The following FHOD3 variants were observed in gnomAD, a reference collection of about 807,000 sequenced individuals.
FHOD3 encodes the protein FH1/FH2 domain-containing protein 3.
FHOD3 carries 90 observed loss-of-function variants against 173.0 expected under a neutral mutation model. The ratio of observed to expected loss-of-function variants is 0.52; its 90% CI spans 0.44 to 0.62. FHOD3 has a LOEUF of 0.62. Ranked by LOEUF, FHOD3 falls within the 20% of genes least tolerant of loss-of-function variation. FHOD3 has a pLI of 0.00. For synonymous variants in FHOD3, 828 were observed against 823.0 expected (o/e 1.01, Z -0.10); for missense variants, 1,945 against 2,034.7 (o/e 0.96, Z 0.85).
chr18:36,769,924 T>C (rs2043303170), intron 28 of FHOD3, among the ~76,000 whole-genome samples: 1 of 152,190 alleles, frequency 6.6e-6, no homozygotes, highest in African/African-American at 2.4e-5. Context: ...ATTGGGATGC[T>C]TGAAATATTT....
At chr18:36,561,227 A>G (rs78602742) in intron 5 of FHOD3, among the ~76,000 whole-genome samples, 4,070 of 152,362 alleles carry the variant, frequency 0.027, 91 homozygotes, top group South Asian at 0.089. Context: ...AGTAATTACT[A>G]TAAGGATGGC....
chr18:36,479,305 A>T (rs1278147336), intron 3 of FHOD3, among the ~76,000 whole-genome samples: 1 of 152,224 alleles, frequency 6.6e-6, no homozygotes, highest in African/African-American at 2.4e-5. Flanking sequence ...TTTGTTTGTT[A>T]AAGGACACTG....
chr18:36,417,586 TG>T (rs2049736604), intron 3 of FHOD3, among the ~76,000 whole-genome samples: 1 of 152,228 alleles, frequency 6.6e-6, no homozygotes, highest in Non-Finnish European at 1.5e-5. Flanking sequence ...TACCCAGTAA[TG>T]GGATTGCTGG....
At chr18:36,431,870 G>T (rs1397976040) in intron 3 of FHOD3, among the ~76,000 whole-genome samples, 1 of 152,180 alleles carries the variant, frequency 6.6e-6, no homozygotes, top group Non-Finnish European at 1.5e-5. Flanking sequence ...AAATACAGTT[G>T]TTCCTTGAAA....
chr18:36,743,910 G>A, intron 22 of FHOD3, 122 bp from the exon 23 acceptor site: 1 of 1,081,154 alleles, frequency 9.2e-7, no homozygotes, highest in Admixed American at 1.9e-5. Flanking sequence ...GTGGCCCCAG[G>A]AGCTTCAGCC....
intron 18 of FHOD3, chr18:36,710,076 G>C (rs1396251978): frequency 6.6e-6 from 1 of 152,138 alleles, no homozygotes; most frequent in African/African-American, 2.4e-5. Context: ...TCCTATGAAT[G>C]GTAACTTTAG....
chr18:36,467,326 G>T (rs1207044353), intron 3 of FHOD3, among the ~76,000 whole-genome samples: 1 of 152,190 alleles, frequency 6.6e-6, no homozygotes, highest in African/African-American at 2.4e-5. Flanking sequence ...AAGCCATTGT[G>T]TGAAGAACAT....
intron 3 of FHOD3, among the ~76,000 whole-genome samples, chr18:36,475,545 G>C (rs769968592): frequency 6.6e-6 from 1 of 152,100 alleles, no homozygotes; most frequent in Non-Finnish European, 1.5e-5. Context: ...GAATTCTAAT[G>C]GGAAGGACTT....
chr18:36,351,194 T>G (rs1405774909), intron 1 of FHOD3, among the ~76,000 whole-genome samples: 3 of 152,202 alleles, frequency 2.0e-5, no homozygotes, highest in African/African-American at 7.2e-5. Flanking sequence ...ATAGCCCCGC[T>G]GTGAGGACTC....
chr18:36,375,947 G>C (rs542384801), intron 3 of FHOD3, among the ~76,000 whole-genome samples: 2 of 152,242 alleles, frequency 1.3e-5, no homozygotes, highest in East Asian at 3.9e-4. Flanking sequence ...ATCTAGCTTC[G>C]ATCTTTTCAA....
chr18:36,404,252 G>T (rs1472168746), intron 3 of FHOD3, among the ~76,000 whole-genome samples: 1 of 152,178 alleles, frequency 6.6e-6, no homozygotes, highest in African/African-American at 2.4e-5. Context: ...CTGAGGTGTT[G>T]CCTGCTTGGG....
chr18:36,724,999 A>C (rs2040984609), intron 19 of FHOD3, among the ~76,000 whole-genome samples: 1 of 152,230 alleles, frequency 6.6e-6, no homozygotes, highest in African/African-American at 2.4e-5. Context: ...ATATTTGGGA[A>C]AGCAGCATGT....
At chr18:36,719,489 C>T (rs2040641616) in intron 19 of FHOD3, among the ~76,000 whole-genome samples, 1 of 152,156 alleles carries the variant, frequency 6.6e-6, no homozygotes, top group African/African-American at 2.4e-5. Context: ...GACTTCTTCG[C>T]CTATCTTAGC....
intron 2 of FHOD3, among the ~76,000 whole-genome samples, chr18:36,362,895 C>T (rs916094868): frequency 3.9e-5 from 6 of 152,114 alleles, no homozygotes; most frequent in East Asian, 3.9e-4. Context: ...ATTTGCAAAA[C>T]GTATCTGATG....
chr18:36,540,102 G>A (rs1283615621), intron 5 of FHOD3, among the ~76,000 whole-genome samples: 2 of 152,226 alleles, frequency 1.3e-5, no homozygotes, highest in East Asian at 1.9e-4. Context: ...CAGGCGTGGG[G>A]TGGAGGTGAC....
chr18:36,450,931 C>T (rs1423805706), intron 3 of FHOD3, among the ~76,000 whole-genome samples: 1 of 151,924 alleles, frequency 6.6e-6, no homozygotes, highest in Non-Finnish European at 1.5e-5. Flanking sequence ...AGCAGTGAAC[C>T]CTGGAAAGCT....
At chr18:36,474,809 G>A (rs1055023232) in intron 3 of FHOD3, among the ~76,000 whole-genome samples, 3 of 152,124 alleles carry the variant, frequency 2.0e-5, no homozygotes, top group Non-Finnish European at 4.4e-5. Context: ...GCCATGGCTG[G>A]GAGTAAATTC....
Position 36,618,310 on chromosome 18 carries a change from G to GTTTTTTTT in FHOD3, c.957+6215_957+6216insTTTTTTTT, listed in dbSNP as rs1465774220. Reference sequence around the variant, plus strand: ...CCATTTGGTAATGATGTTTTTTGGTGGTTTTTTTTTTTTTTTTTTTTTTGA... The same window carrying GTTTTTTTT: ...CCATTTGGTAATGATGTTTTTTGGTGTTTTTTTTGTTTTTTTTTTTTTTTTTTTTTTGA... On this transcript the variant is annotated intron_variant, in intron 9 of 28. Transcript: ENST00000590592. Among the ~76,000 whole-genome samples, 52 of 85,214 alleles carry GTTTTTTTT rather than the reference G, an allele frequency of 6.1e-4. 2 individuals carry two copies. Among genetic ancestry groups the GTTTTTTTT allele is most frequent in the Admixed American group, 8.9e-4 (6 of 6,716 alleles). 55.9% of individuals were successfully genotyped at this position (85,214 alleles called of 152,430 possible).
intron 2 of FHOD3, among the ~76,000 whole-genome samples, chr18:36,366,117 G>A (rs2046886076): frequency 6.6e-6 from 1 of 152,170 alleles, no homozygotes; most frequent in African/African-American, 2.4e-5. Flanking sequence ...ACAGACATTA[G>A]TATAGTCCCT....
Sources: allele counts gnomAD v4.1 joint callset (sites outside exome capture counted in the v4.1 genomes callset), GRCh38; gene constraint gnomAD v4.1.1; transcripts MANE v1.5; gene names NCBI Gene and HGNC (gene_info 2026-07-23, HGNC 2026-07-21).